The following ASH1L variants were observed in gnomAD, a reference collection of about 807,000 sequenced individuals.
ASH1L encodes histone-lysine N-methyltransferase ASH1L.
Under a neutral mutation model 269.0 loss-of-function variants are expected in ASH1L, and 23 were observed. The ratio of observed to expected loss-of-function variants is 0.09; its 90% CI spans 0.06 to 0.12. The LOEUF (loss-of-function observed/expected upper bound fraction) is 0.12, where lower values mean the gene tolerates loss of function less well. Ranked by LOEUF, ASH1L falls within the 10% of genes least tolerant of loss-of-function variation. The pLI is 1.00. For missense variants in ASH1L, 2,912 were observed against 3,567.8 expected, an observed-to-expected ratio of 0.82 and a Z score of 4.68; for synonymous variants, 1,187 against 1,253.5, an observed-to-expected ratio of 0.95 and a Z score of 1.12.
In ASH1L at chr1:155,347,749, C is replaced by T; in HGVS notation, c.7710G>A (p.Lys2570=). ...ADSSETSVSE[K]ENGHEKDDDV... ...CGTCGTCCTTCTCATGCCCATTCTC[C>T]TTTTCAGAGACTGAGGTCTCACTGC... is the stretch of plus-strand genomic sequence containing the variant. Residue 2570 remains lysine, a synonymous_variant, in exon 20 of 28, where the codon AAG becomes AAA. Coordinates refer to ENST00000392403, the MANE Select transcript of ASH1L (RefSeq NM_018489.3). 6.2e-7 allele frequency: 1 copy of T among 1,614,206 alleles called. No individual in the cohort carries two copies. Among genetic ancestry groups the T allele is most frequent in the Non-Finnish European group, 8.5e-7 (1 of 1,180,040 alleles).
intron 2 of ASH1L, among the ~76,000 whole-genome samples, chr1:155,508,801 G>GT (rs1384678782): frequency 6.6e-6 from 1 of 152,176 alleles, no homozygotes; most frequent in African/African-American, 2.4e-5. Flanking sequence ...CCTCATAGGA[G>GT]TAAGAAGAAG....
intron 2 of ASH1L, among the ~76,000 whole-genome samples, chr1:155,509,006 T>G (rs1667991850): frequency 1.3e-5 from 2 of 151,824 alleles, no homozygotes; most frequent in East Asian, 1.9e-4. Context: ...GGCTCCAAAT[T>G]CAACCACAGA....
At position 155,343,815 on chromosome 1, in the gene ASH1L, G is replaced by A. The variant is rs890156407; in HGVS notation, c.7982-73C>T. 30 of 1,548,386 alleles carry A rather than the reference G, an allele frequency of 1.9e-5. No homozygotes were observed. The highest frequency in any genetic ancestry group is 1.7e-4 in the Middle Eastern group (1 of 5,752). On this transcript the variant is annotated intron_variant, in intron 22 of 27. Coordinates refer to ENST00000392403, the MANE Select transcript of ASH1L (RefSeq NM_018489.3). The surrounding 1 kb of genome is among the most constrained non-coding windows in gnomAD (Gnocchi z 6.1). ...AATTCTGTTAGGCATCTGTTTATCTGACTCAGGGTCTACATAGAACTCATA... is the reference window on the plus strand; with the variant it reads ...AATTCTGTTAGGCATCTGTTTATCTAACTCAGGGTCTACATAGAACTCATA...
chr1:155,482,521 A>T (rs967774803), intron 2 of ASH1L, 72 bp from the exon 3 acceptor site: 2 of 1,451,434 alleles, frequency 1.4e-6, no homozygotes, highest in Non-Finnish European at 1.9e-6. Context: ...TTAACAATCC[A>T]ACAAACTAAT....
chr1:155,422,224 C>T (rs1282162137), intron 5 of ASH1L, among the ~76,000 whole-genome samples: 1 of 151,222 alleles, frequency 6.6e-6, no homozygotes, highest in Non-Finnish European at 1.5e-5. Flanking sequence ...TGCAACCCTA[C>T]CTCCTGGGTT....
In ASH1L at chr1:155,354,631, C is replaced by T; in HGVS notation, c.7056-1G>A. ...TACATGATGCTTTAACACAAAGTTCCTGCAAGGAAGGAAAAAAAATCTTCC... is the reference window on the plus strand; with the variant it reads ...TACATGATGCTTTAACACAAAGTTCTTGCAAGGAAGGAAAAAAAATCTTCC... On this transcript the variant is annotated splice_acceptor_variant, in intron 15 of 27. Coordinates refer to ENST00000392403, the MANE Select transcript of ASH1L (RefSeq NM_018489.3). LOFTEE classifies it high-confidence loss of function. The T allele has an allele frequency of 6.2e-7, 1 of 1,605,612 alleles. No homozygotes were observed. Among genetic ancestry groups the T allele is most frequent in the African/African-American group, 1.3e-5 (1 of 74,414 alleles).
chr1:155,465,935 C>A (rs932032638), intron 3 of ASH1L, among the ~76,000 whole-genome samples: 1 of 152,092 alleles, frequency 6.6e-6, no homozygotes, highest in Non-Finnish European at 1.5e-5. Context: ...AAAGCTGGGT[C>A]CACAATAAAA....
intron 5 of ASH1L, among the ~76,000 whole-genome samples, chr1:155,427,270 G>A (rs1057207229): frequency 6.6e-6 from 1 of 151,272 alleles, no homozygotes; most frequent in African/African-American, 2.4e-5. Context: ...GAGTAGCTGG[G>A]ATTACAGGCA....
At chr1:155,441,198 T>G (rs1662529366) in intron 4 of ASH1L, among the ~76,000 whole-genome samples, 1 of 152,182 alleles carries the variant, frequency 6.6e-6, no homozygotes, top group Non-Finnish European at 1.5e-5. Flanking sequence ...AGTCCCTCTC[T>G]GCTGCCACTG....
In ASH1L at chr1:155,347,775, T is replaced by C. The variant is rs1415924589; in HGVS notation, c.7684A>G (p.Ser2562Gly). The C allele has an allele frequency of 6.2e-6, 10 of 1,614,246 alleles. No individual in the cohort carries two copies. Among genetic ancestry groups the C allele is most frequent in the Admixed American group, 3.3e-5 (2 of 60,030 alleles). ...IVGETASEAD[S>G]SETSVSEKEN... ...TTTTCAGAGACTGAGGTCTCACTGC[T>C]GTCTGCCTCACTTGCTGTCTCTCCC... The change falls in exon 20 of 28, where the codon AGC (serine) becomes GGC (glycine). Residue 2562 changes from serine (S) to glycine (G), a missense_variant. By Grantham distance (56) the Ser-to-Gly change is moderately conservative. Coordinates refer to ENST00000392403, the MANE Select transcript of ASH1L (RefSeq NM_018489.3).
chr1:155,379,321 G>C lies in ASH1L; in HGVS notation c.6177+722C>G, dbSNP rs533252529. Among the ~76,000 whole-genome samples, 4 of 152,270 alleles carry C rather than the reference G, an allele frequency of 2.6e-5. No homozygotes were observed. In the South Asian group the frequency reaches 8.3e-4, roughly 32 times the overall value. On this transcript the variant is annotated intron_variant, in intron 8 of 27. Transcript: ENST00000392403. ...ATATTAATACTCTCAGAATTCAAGA[G>C]AGGCCATTGGAGAAGACAACGCAGA...
chr1:155,506,957 ATT>A (rs1667856051), intron 2 of ASH1L, among the ~76,000 whole-genome samples: 1 of 152,048 alleles, frequency 6.6e-6, no homozygotes, highest in Non-Finnish European at 1.5e-5. Context: ...ACTTTATCAA[ATT>A]TTGTTTAAAA....
At chr1:155,419,549 A>G (rs11577694) in intron 5 of ASH1L, 48 of 152,214 alleles carry the variant, frequency 3.2e-4, no homozygotes, top group Admixed American at 1.0e-3. Context: ...CTTGTTCCAC[A>G]CAAAAATCGA....
intron 7 of ASH1L, among the ~76,000 whole-genome samples, chr1:155,392,956 G>A (rs1188325322): frequency 6.6e-6 from 1 of 151,892 alleles, no homozygotes; most frequent in Non-Finnish European, 1.5e-5. Flanking sequence ...CCAAAGTGCT[G>A]GGATTACAAG....
At chr1:155,505,721 G>GTATTTGAAT (rs1288451258) in intron 2 of ASH1L, among the ~76,000 whole-genome samples, 1 of 152,064 alleles carries the variant, frequency 6.6e-6, no homozygotes, top group Non-Finnish European at 1.5e-5. Context: ...AAATTTTACA[G>GTATTTGAAT]TATTTGAATT....
At chr1:155,535,896 G>A (rs1052272316) in intron 1 of ASH1L, among the ~76,000 whole-genome samples, 1 of 151,896 alleles carries the variant, frequency 6.6e-6, no homozygotes, top group Admixed American at 6.6e-5. Flanking sequence ...TACTCAGGAC[G>A]CTGAGGCAGG....
intron 7 of ASH1L, among the ~76,000 whole-genome samples, chr1:155,394,200 T>C (rs936799662): frequency 6.6e-6 from 1 of 152,120 alleles, no homozygotes; most frequent in African/African-American, 2.4e-5. Flanking sequence ...ACAAGTATAA[T>C]GACCCTCCAG....
intron 5 of ASH1L, among the ~76,000 whole-genome samples, chr1:155,436,340 T>C (rs1156928898): frequency 1.3e-5 from 2 of 149,812 alleles, no homozygotes; most frequent in Non-Finnish European, 3.0e-5. Context: ...TACAGGCATG[T>C]GCCACCATGC....
At chr1:155,518,420 T>C (rs960402169) in intron 2 of ASH1L, among the ~76,000 whole-genome samples, 1 of 152,030 alleles carries the variant, frequency 6.6e-6, no homozygotes, top group Admixed American at 6.6e-5. Context: ...AAAACTTTTT[T>C]TTGCATCAGA....
Sources: gnomAD v4.1 joint callset for allele counts (sites outside exome capture counted in the v4.1 genomes callset) on GRCh38, gnomAD v4.1.1 for gene constraint, Gnocchi (gnomAD v3.1) non-coding constraint, MANE v1.5 for transcripts, NCBI Gene and HGNC (gene_info 2026-07-23, HGNC 2026-07-21) for gene names.